Variants in PLA2R1 observed in about 807,000 individuals in gnomAD.
The protein encoded by PLA2R1 is phospholipase A2 receptor 1.
Under a neutral mutation model 195.9 loss-of-function variants are expected in PLA2R1, and 158 were observed. That is an observed-to-expected ratio of 0.81 (90% confidence interval 0.71 to 0.92). The LOEUF is 0.92. Among genes scored for constraint, PLA2R1 ranks in the 40% least tolerant of loss-of-function variants. The pLI is 0.00. For missense variants in PLA2R1, 1,626 were observed against 1,764.6 expected, an observed-to-expected ratio of 0.92 and a Z score of 1.41; for synonymous variants, 586 against 598.2, an observed-to-expected ratio of 0.98 and a Z score of 0.30.
intron 1 of PLA2R1, among the ~76,000 whole-genome samples, chr2:160,052,725 G>T (rs1035645386): frequency 6.6e-6 from 1 of 151,280 alleles, no homozygotes; most frequent in Non-Finnish European, 1.5e-5. Flanking sequence ...AGCCCAGGGG[G>T]AAATGATTCA....
intron 3 of PLA2R1, among the ~76,000 whole-genome samples, chr2:160,037,870 A>G (rs1319253757): frequency 6.6e-6 from 1 of 152,234 alleles, no homozygotes; most frequent in Non-Finnish European, 1.5e-5. Context: ...GGTAGAACTT[A>G]TGACAAACTG....
At chr2:159,992,975 T>C (rs1246315064) in intron 11 of PLA2R1, among the ~76,000 whole-genome samples, 1 of 152,110 alleles carries the variant, frequency 6.6e-6, no homozygotes, top group Non-Finnish European at 1.5e-5. Context: ...AAAGGAGTGA[T>C]TGAAAGTGTT....
intron 16 of PLA2R1, among the ~76,000 whole-genome samples, chr2:159,976,452 A>T (rs1309779262): frequency 1.3e-5 from 2 of 152,174 alleles, no homozygotes; most frequent in African/African-American, 4.8e-5. Flanking sequence ...AAGGTCGGGG[A>T]TAGGTACATA....
intron 3 of PLA2R1, among the ~76,000 whole-genome samples, chr2:160,039,608 C>G (rs1464921816): frequency 6.6e-6 from 1 of 152,086 alleles, no homozygotes; most frequent in Non-Finnish European, 1.5e-5. Flanking sequence ...CACTTGTTGA[C>G]CCCATGGAAA....
At position 159,987,345 on chromosome 2, in the gene PLA2R1, GC is replaced by G. The variant is rs753712665; in HGVS notation, c.1847del (p.Gly616AlafsTer16). On this transcript the variant is annotated frameshift_variant, in exon 12 of 30. Transcript: ENST00000283243. LOFTEE classifies it high-confidence loss of function. ...WNTHQPRYSGGCVAMRGRHPL... is the reference protein window; with the variant it reads ...WNTHQPRYSGXCVAMRGRHPL... ...GATGCCTTCCTCGCATGGCAACACA[GC>G]CACCACTGTAGCCTAAAAGCAGAAA... is the stretch of plus-strand genomic sequence containing the variant. 1 of 1,610,722 alleles carries G rather than the reference GC, an allele frequency of 6.2e-7. No homozygotes were observed. The highest frequency in any genetic ancestry group is 8.5e-7 in the Non-Finnish European group (1 of 1,179,154).
rs567246479 is a variant in PLA2R1, at chr2:159,939,489, A to C, written c.*2289T>G. On this transcript the variant is annotated 3_prime_UTR_variant, in exon 30 of 30. Coordinates refer to ENST00000283243, the MANE Select transcript of PLA2R1 (RefSeq NM_007366.5). ...CCACTGTACTCCTGCCTGGCAACAG[A>C]GCAAGACTCCATCTCCAAAAAAAAA... 1 of 147,302 alleles carries C rather than the reference A, an allele frequency of 6.8e-6. No individual in the cohort carries two copies. The highest frequency in any genetic ancestry group is 2.5e-5 in the African/African-American group (1 of 39,944). The allele number at this position is 147,302 out of a possible 1,614,324, so 9.1% of individuals were successfully genotyped here.
intron 3 of PLA2R1, among the ~76,000 whole-genome samples, chr2:160,034,189 T>TC (rs1187407819): frequency 1.3e-5 from 2 of 152,206 alleles, no homozygotes; most frequent in East Asian, 1.9e-4. Flanking sequence ...TGGTTTTTTT[T>TC]CCTCCCTCAT....
At position 160,062,303 on chromosome 2, in the gene PLA2R1, T is replaced by C. The variant is rs891535452; in HGVS notation, c.101A>G (p.Glu34Gly). The C allele has an allele frequency of 2.1e-6, 3 of 1,401,390 alleles. No individual in the cohort carries two copies. Among genetic ancestry groups the C allele is most frequent in the African/African-American group, 3.6e-5 (2 of 55,568 alleles). The allele number at this position is 1,401,390 out of a possible 1,614,324, so 86.8% of individuals were successfully genotyped here. A position where few individuals can be genotyped will look rare whatever the true frequency, so the allele number is the denominator to read the frequency against. Residue 34 changes from glutamate to glycine, a missense_variant, in exon 1 of 30, where the codon GAG becomes GGG. Glu to Gly is a moderately conservative substitution (Grantham distance 98). Coordinates refer to ENST00000283243, the MANE Select transcript of PLA2R1 (RefSeq NM_007366.5). ...GACCCTGGGAGACTCACCCTGCCACTCCAGGAGCCGCTCGGGGGTAAGCGC... is the reference window on the plus strand; with the variant it reads ...GACCCTGGGAGACTCACCCTGCCACCCCAGGAGCCGCTCGGGGGTAAGCGC... ...AAALTPERLLEWQDKGIFVIQ... is the reference protein window; with the variant it reads ...AAALTPERLLGWQDKGIFVIQ...
intron 3 of PLA2R1, among the ~76,000 whole-genome samples, chr2:160,035,097 T>C (rs894101633): frequency 1.3e-5 from 2 of 152,200 alleles, no homozygotes; most frequent in Non-Finnish European, 2.9e-5. Context: ...AACCTTATTA[T>C]GTATATGCAA....
intron 20 of PLA2R1, among the ~76,000 whole-genome samples, chr2:159,959,942 C>A (rs139350241): frequency 2.0e-5 from 3 of 152,322 alleles, no homozygotes; most frequent in African/African-American, 7.2e-5. Context: ...TCTTACCTTT[C>A]TCACCCTTGC....
intron 1 of PLA2R1, among the ~76,000 whole-genome samples, chr2:160,061,789 C>A (rs948594239): frequency 2.0e-5 from 3 of 152,080 alleles, no homozygotes; most frequent in African/African-American, 7.2e-5. Context: ...AACAAACAAA[C>A]AAAAAAAGTT....
At chr2:160,043,810 C>T (rs528329747) in intron 2 of PLA2R1, among the ~76,000 whole-genome samples, 3 of 152,204 alleles carry the variant, frequency 2.0e-5, no homozygotes, top group Non-Finnish European at 4.4e-5. Context: ...TGGCCCTTGG[C>T]TCTGTCTCTT....
chr2:160,032,970 T>C lies in PLA2R1; in HGVS notation c.830A>G (p.Asn277Ser), dbSNP rs1265207723. Residue 277 changes from asparagine (N) to serine (S), a missense_variant, in exon 4 of 30, where the codon AAT (asparagine) becomes AGT (serine). Transcript: ENST00000283243. ...LLSITDETEENFIREHMSSKT... is the reference protein window; with the variant it reads ...LLSITDETEESFIREHMSSKT... ...ATCCACCTACTTACCCCTTATGAAA[T>C]TTTCTTCAGTTTCATCTGTAATACT... The C allele has an allele frequency of 2.5e-6, 4 of 1,609,998 alleles. No individual in the cohort carries two copies. In the African/African-American group the frequency reaches 5.3e-5, roughly 22 times the overall value.
intron 12 of PLA2R1, among the ~76,000 whole-genome samples, chr2:159,984,714 G>A (rs1308875372): frequency 6.6e-6 from 1 of 152,198 alleles, no homozygotes; most frequent in Non-Finnish European, 1.5e-5. Context: ...GCAGGAAGAA[G>A]CCAGATGAAT....
chr2:160,032,635 A>G (rs1693927668), intron 4 of PLA2R1, among the ~76,000 whole-genome samples: 1 of 152,200 alleles, frequency 6.6e-6, no homozygotes, highest in African/African-American at 2.4e-5. Context: ...TGGAATGGCT[A>G]AGATCTCCAG....
intron 11 of PLA2R1, among the ~76,000 whole-genome samples, chr2:159,991,606 C>T (rs974480110): frequency 1.4e-4 from 16 of 116,184 alleles, no homozygotes; most frequent in African/African-American, 4.2e-4. Flanking sequence ...AATGCTATCC[C>T]TCCCCCCTCC....
Position 159,938,781 on chromosome 2 carries a change from T to A in PLA2R1, c.*2997A>T, listed in dbSNP as rs1686948798. ...GTTCTTATATATCCAACCACCATTT[T>A]GAGAAGAGTAAAGAAACTCCAAAAG... On this transcript the variant is annotated 3_prime_UTR_variant, in exon 30 of 30. Coordinates refer to ENST00000283243, the MANE Select transcript of PLA2R1 (RefSeq NM_007366.5). The A allele has an allele frequency of 6.6e-6, 1 of 152,184 alleles. No individual in the cohort carries two copies. Among genetic ancestry groups the A allele is most frequent in the South Asian group, 2.1e-4 (1 of 4,826 alleles). 9.4% of individuals were successfully genotyped at this position (152,184 alleles called of 1,614,324 possible). A position where few individuals can be genotyped will look rare whatever the true frequency, so the allele number is the denominator to read the frequency against.
In PLA2R1 at chr2:159,936,706, A is replaced by G. The variant is rs1186619406; in HGVS notation, c.*5072T>C. The G allele has an allele frequency of 6.6e-6, 1 of 152,140 alleles. No individual in the cohort carries two copies. The highest frequency in any genetic ancestry group is 2.4e-5 in the African/African-American group (1 of 41,396). 9.4% of individuals were successfully genotyped at this position (152,140 alleles called of 1,614,324 possible). ...GTGGAAGTGCCACGTGTTTCTTCCTAAACCTGGGAACTTAACAGTTCTCTA... is the reference window on the plus strand; with the variant it reads ...GTGGAAGTGCCACGTGTTTCTTCCTGAACCTGGGAACTTAACAGTTCTCTA... On this transcript the variant is annotated 3_prime_UTR_variant, in exon 30 of 30. Transcript: ENST00000283243.
intron 3 of PLA2R1, among the ~76,000 whole-genome samples, chr2:160,035,428 G>A (rs1456032144): frequency 6.6e-6 from 1 of 152,146 alleles, no homozygotes; most frequent in Non-Finnish European, 1.5e-5. Flanking sequence ...CTTAGCCCCT[G>A]TATCCCAACA....
Sources: allele counts gnomAD v4.1 joint callset (sites outside exome capture counted in the v4.1 genomes callset), GRCh38; gene constraint gnomAD v4.1.1; transcripts MANE v1.5; gene names NCBI Gene and HGNC (gene_info 2026-07-23, HGNC 2026-07-21).